The following SRCIN1 variants were observed in gnomAD, a reference collection of about 807,000 sequenced individuals.
The protein encoded by SRCIN1 is SRC kinase signaling inhibitor 1, also known as P130Cas-associated protein.
In SRCIN1, 50 loss-of-function variants were observed where a neutral mutation model predicts 116.2. That is an observed-to-expected ratio of 0.43 (90% CI 0.34 to 0.54). The LOEUF (loss-of-function observed/expected upper bound fraction) is 0.54. Ranked by LOEUF, SRCIN1 falls within the 20% of genes least tolerant of loss-of-function variation. The probability of loss-of-function intolerance (pLI) is 0.02; values close to 1 mark genes in which losing one functional copy is unlikely to be tolerated. For missense variants in SRCIN1, 1,446 were observed against 1,672.0 expected (o/e 0.86, Z 2.36); for synonymous variants, 736 against 750.0 (o/e 0.98, Z 0.30).
In SRCIN1 at chr17:38,578,774, G is replaced by C. The variant is rs764949166; in HGVS notation, c.40C>G (p.Pro14Ala). The change falls in exon 2 of 19, where the codon CCC becomes GCC. Residue 14 changes from proline (P) to alanine (A), a missense_variant. Physicochemically the swap from Pro to Ala is conservative, Grantham distance 27. Coordinates refer to ENST00000617146, the MANE Select transcript of SRCIN1 (RefSeq NM_025248.3). ...APSQDPERSS[P>A]PMLSADDAEY... The stretch of plus-strand genomic sequence containing the variant: ...GCATCGTCCGCAGACAGCATGGGGG[G>C]GCTGCTCCGCTCCGGATCTGCGAGA... 106 of 1,505,738 alleles carry C rather than the reference G, an allele frequency of 7.0e-5. No homozygotes were observed. The highest frequency in any genetic ancestry group is 3.9e-4 in the Admixed American group (19 of 49,186). The allele number at this position is 1,505,738 out of a possible 1,614,324, so 93.3% of individuals were successfully genotyped here. A position where few individuals can be genotyped will look rare whatever the true frequency, so the allele number is the denominator to read the frequency against.
Position 38,578,735 on chromosome 17 carries a change from C to T in SRCIN1, c.79G>A (p.Glu27Lys). ...LSADDAEYPR[E>K]YRTLGGGGGG... ...CCCCCGCCCCCCAGGGTCCGGTACT[C>T]CCGCGGGTACTCCGCATCGTCCGCA... Residue 27 changes from glutamate to lysine, a missense_variant, in exon 2 of 19, where the codon GAG becomes AAG. Physicochemically the swap from Glu to Lys is moderately conservative, Grantham distance 56. This residue lies in a region of SRCIN1 where 246 missense variants were observed against 265.1 expected (regional missense o/e 0.93). Coordinates refer to ENST00000617146, the MANE Select transcript of SRCIN1 (RefSeq NM_025248.3). The T allele has an allele frequency of 6.5e-7, 1 of 1,530,104 alleles. No homozygotes were observed. Among genetic ancestry groups the T allele is most frequent in the South Asian group, 1.2e-5 (1 of 83,332 alleles). 94.8% of individuals were successfully genotyped at this position (1,530,104 alleles called of 1,614,324 possible).
chr17:38,549,606 C>A (rs1438743492), intron 15 of SRCIN1, among the ~76,000 whole-genome samples: 1 of 152,200 alleles, frequency 6.6e-6, no homozygotes, highest in Non-Finnish European at 1.5e-5. Flanking sequence ...CACTGCCCCT[C>A]ACCCTTGCCT....
At chr17:38,573,644 C>T (rs989059371) in intron 2 of SRCIN1, among the ~76,000 whole-genome samples, 1 of 152,218 alleles carries the variant, frequency 6.6e-6, no homozygotes, top group African/African-American at 2.4e-5. Flanking sequence ...CATCATCCAA[C>T]CCCTATCACA....
chr17:38,578,506 T>C lies in SRCIN1; in HGVS notation c.308A>G (p.Asp103Gly). The C allele has an allele frequency of 1.9e-6, 3 of 1,592,006 alleles. No homozygotes were observed. Among genetic ancestry groups the C allele is most frequent in the East Asian group, 2.3e-5 (1 of 44,126 alleles). The change falls in exon 2 of 19, where the codon GAC becomes GGC. Residue 103 changes from aspartate to glycine, a missense_variant. By Grantham distance (94) the Asp-to-Gly change is moderately conservative. Coordinates refer to ENST00000617146, the MANE Select transcript of SRCIN1 (RefSeq NM_025248.3). Reference sequence around the variant, plus strand: ...CCCACTCACCTGCTCTCGCATCCTGTCCTGCTGGCCTCGCAGGGCCAGGGC... The same window carrying C: ...CCCACTCACCTGCTCTCGCATCCTGCCCTGCTGGCCTCGCAGGGCCAGGGC... ...QHALALRGQQ[D>G]RMREQPNYWS...
intron 1 of SRCIN1, among the ~76,000 whole-genome samples, chr17:38,584,163 A>G (rs577295576): frequency 6.6e-6 from 1 of 152,160 alleles, no homozygotes; most frequent in Admixed American, 6.5e-5. Context: ...ATTGCGATAG[A>G]GAGAGACGGA....
intron 17 of SRCIN1, among the ~76,000 whole-genome samples, chr17:38,547,571 G>A (rs936306662): frequency 1.3e-5 from 2 of 152,148 alleles, no homozygotes; most frequent in East Asian, 3.9e-4. Flanking sequence ...GGGGAGGAAG[G>A]GTTATGCGCC....
intron 1 of SRCIN1, among the ~76,000 whole-genome samples, chr17:38,580,375 C>G (rs1597922498): frequency 6.6e-6 from 1 of 152,164 alleles, no homozygotes; most frequent in Admixed American, 6.5e-5. Flanking sequence ...GACCCAGCAC[C>G]TCCCACCGAA....
At position 38,552,874 on chromosome 17, in the gene SRCIN1, C is replaced by A. The variant is rs890427437; in HGVS notation, c.2202-19G>T. The A allele has an allele frequency of 6.2e-7, 1 of 1,604,530 alleles. No homozygotes were observed. The highest frequency in any genetic ancestry group is 8.5e-7 in the Non-Finnish European group (1 of 1,174,790). On this transcript the variant is annotated intron_variant, in intron 11 of 18. Coordinates refer to ENST00000617146, the MANE Select transcript of SRCIN1 (RefSeq NM_025248.3). The surrounding 1 kb of genome is among the most constrained non-coding windows in gnomAD (Gnocchi z 5.3). ...CAGGTCACTGCAGCCACAGAGAGAC[C>A]CTTTCAGCCCTTTTGGCCTGAGATG...
chr17:38,565,061 C>G (rs991832582), intron 3 of SRCIN1, among the ~76,000 whole-genome samples: 1 of 152,008 alleles, frequency 6.6e-6, no homozygotes, highest in East Asian at 1.9e-4. Flanking sequence ...CTCTGAGTGA[C>G]GGCAGCCACT....
rs373936830 is a variant in SRCIN1, at chr17:38,558,182, C to A, written c.2201+45G>T. On this transcript the variant is annotated intron_variant, in intron 11 of 18. Coordinates refer to ENST00000617146, the MANE Select transcript of SRCIN1 (RefSeq NM_025248.3). This position sits in a 1 kb window ranked among gnomAD's most constrained non-coding sequence, Gnocchi z 4.6. Reference sequence around the variant, plus strand: ...CAGGGAAACCAGGTTGCGGGTCACTCCAGCCGCACCCCCACCCCTCCCTCC... The same window carrying A: ...CAGGGAAACCAGGTTGCGGGTCACTACAGCCGCACCCCCACCCCTCCCTCC... 5.0e-6 allele frequency: 8 copies of A among 1,597,570 alleles called. No individual in the cohort carries two copies. Among genetic ancestry groups the A allele is most frequent in the Non-Finnish European group, 6.8e-6 (8 of 1,170,730 alleles).
chr17:38,600,131 T>C (rs1908941211), intron 1 of SRCIN1, among the ~76,000 whole-genome samples: 1 of 152,220 alleles, frequency 6.6e-6, no homozygotes, highest in Non-Finnish European at 1.5e-5. Flanking sequence ...AGTCTAACCT[T>C]GATCTCTCTT....
intron 1 of SRCIN1, 26 bp downstream of exon 1, chr17:38,605,658 T>G: frequency 4.5e-6 from 6 of 1,344,428 alleles, no homozygotes; most frequent in African/African-American, 1.6e-5. Context: ...GGAGGCACAT[T>G]AGGGAGGAGA....
rs1035235967 is a variant in SRCIN1 at position 38,544,717 on chromosome 17, AC to A, written c.3271-749del. On this transcript the variant is annotated intron_variant, in intron 17 of 18. Coordinates refer to ENST00000617146, the MANE Select transcript of SRCIN1 (RefSeq NM_025248.3). The surrounding 1 kb of genome is among the most constrained non-coding windows in gnomAD (Gnocchi z 4.5). The stretch of plus-strand genomic sequence containing the variant: ...AGCCTCCCCCGGACTCTGCCTGCAA[AC>A]CCTGCTCTGGCACCAGGCTCCCAGG... The A allele has an allele frequency of 2.0e-5, 3 of 151,928 alleles. No individual in the cohort carries two copies. Among genetic ancestry groups the A allele is most frequent in the African/African-American group, 7.3e-5 (3 of 41,312 alleles). 9.4% of individuals were successfully genotyped at this position (151,928 alleles called of 1,614,324 possible).
Position 38,552,951 on chromosome 17 carries a change from TG to T in SRCIN1, c.2202-97del. The T allele has an allele frequency of 1.3e-6, 2 of 1,527,726 alleles. No homozygotes were observed. The highest frequency in any genetic ancestry group is 4.5e-5 in the East Asian group (2 of 44,158). 94.6% of individuals were successfully genotyped at this position (1,527,726 alleles called of 1,614,324 possible). On this transcript the variant is annotated intron_variant, in intron 11 of 18. Transcript: ENST00000617146. This position sits in a 1 kb window ranked among gnomAD's most constrained non-coding sequence, Gnocchi z 5.3. ...ACTGGAAAGAAATCAGGCCACCAGT[TG>T]GATCGAAAGTAAAAGCAGGAGGCTG... is the stretch of plus-strand genomic sequence containing the variant.
chr17:38,556,065 A>G (rs1905766542), intron 11 of SRCIN1, among the ~76,000 whole-genome samples: 1 of 152,228 alleles, frequency 6.6e-6, no homozygotes, highest in Admixed American at 6.5e-5. Context: ...GTCCCAGGCC[A>G]GCTAGTCTAG....
intron 3 of SRCIN1, among the ~76,000 whole-genome samples, chr17:38,567,281 G>C (rs531558851): frequency 6.6e-6 from 1 of 152,348 alleles, no homozygotes; most frequent in East Asian, 1.9e-4. Context: ...CCAAGGCTAA[G>C]AGGATATGTG....
At chr17:38,601,834 G>T in intron 1 of SRCIN1, among the ~76,000 whole-genome samples, 1 of 152,162 alleles carries the variant, frequency 6.6e-6, no homozygotes, top group Non-Finnish European at 1.5e-5. Flanking sequence ...AGCAGGGCCA[G>T]AGCTGGGGAA....
In SRCIN1 at chr17:38,585,557, C is replaced by T. The variant is rs1908068122; in HGVS notation, c.23-6766G>A. 6.6e-6 allele frequency among the ~76,000 whole-genome samples: 1 copy of T among 152,146 alleles called. No homozygotes were observed. On this transcript the variant is annotated intron_variant, in intron 1 of 18. Coordinates refer to ENST00000617146, the MANE Select transcript of SRCIN1 (RefSeq NM_025248.3). This position sits in a 1 kb window ranked among gnomAD's most constrained non-coding sequence, Gnocchi z 4.2. ...TTGCTTCCCCTGCTAGTGAAGGAAT[C>T]GGCCTCCCTGTCCCTGGGTGCCCCT...
intron 3 of SRCIN1, among the ~76,000 whole-genome samples, chr17:38,565,228 G>T (rs184242152): frequency 7.2e-5 from 11 of 152,306 alleles, no homozygotes; most frequent in African/African-American, 2.6e-4. Flanking sequence ...ATGTCACTCA[G>T]GGCCACAGCC....
Sources: gnomAD v4.1 joint callset for allele counts (sites outside exome capture counted in the v4.1 genomes callset) on GRCh38, gnomAD v4.1.1 for gene constraint, gnomAD v4.1.1 regional missense constraint, Gnocchi (gnomAD v3.1) non-coding constraint, MANE v1.5 for transcripts, NCBI Gene and HGNC (gene_info 2026-07-23, HGNC 2026-07-21) for gene names.